Variants in HECW2 observed in about 807,000 individuals in gnomAD.
HECW2 encodes HECT, C2 and WW domain containing E3 ubiquitin protein ligase 2, also known as E3 ubiquitin-protein ligase HECW2.
In HECW2, 61 loss-of-function variants were observed where a neutral mutation model predicts 175.2. That is an observed-to-expected ratio of 0.35 (90% CI 0.28 to 0.43). The LOEUF (loss-of-function observed/expected upper bound fraction) is 0.43. HECW2 is among the 20% of genes least tolerant of loss of function. The pLI, the probability that HECW2 is intolerant of heterozygous loss-of-function variation, is 1.00. For missense variants in HECW2, 1,524 were observed against 2,000.5 expected, an observed-to-expected ratio of 0.76 and a Z score of 4.54; for synonymous variants, 671 against 731.0, an observed-to-expected ratio of 0.92 and a Z score of 1.32.
At chr2:196,301,534 C>A (rs1487019774) in intron 13 of HECW2, among the ~76,000 whole-genome samples, 1 of 152,046 alleles carries the variant, frequency 6.6e-6, no homozygotes, top group Non-Finnish European at 1.5e-5. Flanking sequence ...ACTTCGCCAG[C>A]ATCTGTTGTG....
chr2:196,365,127 G>A (rs1269609851), intron 2 of HECW2, among the ~76,000 whole-genome samples: 1 of 152,196 alleles, frequency 6.6e-6, no homozygotes, highest in Non-Finnish European at 1.5e-5. Flanking sequence ...TATGGATGCT[G>A]AATGGATTAA....
chr2:196,246,592 A>G (rs1247845849), intron 19 of HECW2, among the ~76,000 whole-genome samples: 2 of 151,904 alleles, frequency 1.3e-5, no homozygotes, highest in Middle Eastern at 3.4e-3. Flanking sequence ...GGGTTTCACC[A>G]TGTTAGCCAG....
At chr2:196,522,106 A>G (rs1346620147) in intron 1 of HECW2, among the ~76,000 whole-genome samples, 2 of 152,194 alleles carry the variant, frequency 1.3e-5, no homozygotes, top group Non-Finnish European at 2.9e-5. Flanking sequence ...CCAACAGTGT[A>G]AAAGTGTTCC....
At chr2:196,558,582 T>C (rs1340366991) in intron 1 of HECW2, among the ~76,000 whole-genome samples, 1 of 152,244 alleles carries the variant, frequency 6.6e-6, no homozygotes, top group Non-Finnish European at 1.5e-5. Flanking sequence ...TTTTTACCAC[T>C]TGCTATTGTT....
chr2:196,393,681 T>C (rs1033352194), intron 2 of HECW2, among the ~76,000 whole-genome samples: 9 of 152,186 alleles, frequency 5.9e-5, no homozygotes, highest in East Asian at 1.9e-4. Flanking sequence ...TGTGGAGAAA[T>C]AGGTACACTT....
intron 14 of HECW2, among the ~76,000 whole-genome samples, chr2:196,284,865 A>C (rs2375682): frequency 0.93 from 141,926 of 151,986 alleles, 66,658 homozygotes; most frequent in Non-Finnish European, 0.98. Flanking sequence ...AAAAAAGAAA[A>C]ATATGGAAAA....
At chr2:196,503,576 C>T (rs1031656247) in intron 1 of HECW2, among the ~76,000 whole-genome samples, 4 of 152,108 alleles carry the variant, frequency 2.6e-5, no homozygotes, top group Non-Finnish European at 5.9e-5. Context: ...TTCCCCTCAC[C>T]CAGTCGGCCA....
At chr2:196,216,113 G>T in intron 27 of HECW2, 136 bp from the exon 28 acceptor site, 2 of 620,742 alleles carry the variant, frequency 3.2e-6, no homozygotes, top group East Asian at 2.7e-5. Context: ...CACAGGTGTG[G>T]AATAATCACA....
At chr2:196,390,263 T>C (rs757809187) in intron 2 of HECW2, among the ~76,000 whole-genome samples, 1 of 152,300 alleles carries the variant, frequency 6.6e-6, no homozygotes, top group Non-Finnish European at 1.5e-5. Flanking sequence ...ATCCAGGCCA[T>C]TGGTCTTTGG....
chr2:196,312,046 A>G (rs1489033188), intron 10 of HECW2, among the ~76,000 whole-genome samples: 2 of 152,162 alleles, frequency 1.3e-5, no homozygotes, highest in African/African-American at 4.8e-5. Flanking sequence ...TTTAAAATCA[A>G]CATATGTGGG....
At chr2:196,393,653 A>T (rs141018785) in intron 2 of HECW2, among the ~76,000 whole-genome samples, 88,822 of 152,080 alleles carry the variant, frequency 0.58, 29,305 homozygotes, top group East Asian at 0.84. Flanking sequence ...GTCAGGAAAC[A>T]ACAGGTGCTG....
At chr2:196,522,225 G>C (rs1463336157) in intron 1 of HECW2, among the ~76,000 whole-genome samples, 6 of 152,066 alleles carry the variant, frequency 3.9e-5, no homozygotes, top group Admixed American at 3.3e-4. Flanking sequence ...GCATTTCTCT[G>C]ATGGCCAGTG....
In HECW2 at chr2:196,324,966, G is replaced by A. The variant is rs16849595; in HGVS notation, c.741+14C>T. On this transcript the variant is annotated intron_variant, in intron 6 of 28. Coordinates refer to ENST00000644978, the MANE Select transcript of HECW2 (RefSeq NM_001348768.2). Reference sequence around the variant, plus strand: ...CCTCACCATCAAGTAGGAGACCCCCGAGGATCATCTTACCTCTCGGTGCCA... The same window carrying A: ...CCTCACCATCAAGTAGGAGACCCCCAAGGATCATCTTACCTCTCGGTGCCA... The A allele has an allele frequency of 3.6e-3, 5,577 of 1,550,060 alleles. 175 individuals carry two copies. In the African/African-American group the frequency reaches 0.068, roughly 19 times the overall value.
At chr2:196,397,581 C>T (rs942091388) in intron 2 of HECW2, among the ~76,000 whole-genome samples, 2 of 152,200 alleles carry the variant, frequency 1.3e-5, no homozygotes, top group African/African-American at 4.8e-5. Flanking sequence ...TTAACAGCTT[C>T]GCTGGCTCTC....
intron 2 of HECW2, among the ~76,000 whole-genome samples, chr2:196,409,429 C>T (rs1695049874): frequency 6.6e-6 from 1 of 152,080 alleles, no homozygotes. Flanking sequence ...ACCCTGACTC[C>T]CGAGATCTTA....
intron 10 of HECW2, among the ~76,000 whole-genome samples, chr2:196,312,942 A>T (rs144397543): frequency 1.3e-5 from 2 of 152,312 alleles, no homozygotes; most frequent in Admixed American, 6.5e-5. Context: ...TTTAAAAAAT[A>T]CTTTAATAAT....
At chr2:196,448,586 C>G (rs747488281) in intron 1 of HECW2, among the ~76,000 whole-genome samples, 1 of 152,212 alleles carries the variant, frequency 6.6e-6, no homozygotes, top group African/African-American at 2.4e-5. Flanking sequence ...CAGCCTCCCC[C>G]GCCAAAGCAG....
At chr2:196,515,534 G>A (rs1012363915) in intron 1 of HECW2, among the ~76,000 whole-genome samples, 4 of 152,212 alleles carry the variant, frequency 2.6e-5, no homozygotes, top group African/African-American at 9.6e-5. Context: ...CAGGCTGCAT[G>A]CCAGTAATGT....
intron 18 of HECW2, among the ~76,000 whole-genome samples, chr2:196,254,995 A>G (rs1476345093): frequency 7.1e-6 from 1 of 140,528 alleles, no homozygotes. Context: ...TTTTTCTGAG[A>G]CAGAGTCTAG....
Sources: gnomAD v4.1 joint callset for allele counts (sites outside exome capture counted in the v4.1 genomes callset) on GRCh38, gnomAD v4.1.1 for gene constraint, MANE v1.5 for transcripts, NCBI Gene and HGNC (gene_info 2026-07-23, HGNC 2026-07-21) for gene names.